RBFOX1: variants seen among roughly 807,000 people sequenced by gnomAD.
The protein encoded by RBFOX1 is RNA binding protein fox-1 homolog 1.
Under a neutral mutation model 57.7 loss-of-function variants are expected in RBFOX1, and 8 were observed. The ratio of observed to expected loss-of-function variants is 0.14; its 90% CI spans 0.08 to 0.25. The LOEUF (loss-of-function observed/expected upper bound fraction) is 0.25. Ranked by LOEUF, RBFOX1 falls within the 10% of genes least tolerant of loss-of-function variation. RBFOX1 has a pLI of 1.00. For missense variants in RBFOX1, 611 were observed against 548.5 expected, an observed-to-expected ratio of 1.11 and a Z score of -1.14; for synonymous variants, 326 against 222.4, an observed-to-expected ratio of 1.47 and a Z score of -4.15.
At chr16:7,479,199 G>C (rs903780636) in intron 4 of RBFOX1, among the ~76,000 whole-genome samples, 1 of 150,278 alleles carries the variant, frequency 6.7e-6, no homozygotes, top group African/African-American at 2.5e-5. Context: ...TCTCGGCTCA[G>C]TGCAACTTCT....
chr16:6,274,195 C>A (rs990369714), intron 1 of RBFOX1, among the ~76,000 whole-genome samples: 1 of 152,148 alleles, frequency 6.6e-6, no homozygotes, highest in Non-Finnish European at 1.5e-5. Flanking sequence ...TAATTGCCTT[C>A]CTGGGCATTT....
At chr16:7,074,627 A>G (rs945779492) in intron 4 of RBFOX1, among the ~76,000 whole-genome samples, 1 of 152,202 alleles carries the variant, frequency 6.6e-6, no homozygotes, top group Non-Finnish European at 1.5e-5. Context: ...CTGAATGGAG[A>G]GAAGAGACAG....
At chr16:5,952,338 A>G (rs1485305921) in intron 4 of RBFOX1, among the ~76,000 whole-genome samples, 1 of 151,932 alleles carries the variant, frequency 6.6e-6, no homozygotes, top group Non-Finnish European at 1.5e-5. Flanking sequence ...TTTCGTAGAG[A>G]TGGGGTTTCA....
rs536519387 is a variant in RBFOX1 at position 6,009,099 on chromosome 16, C to CT, written c.351+141779dup. ...CATAAGGCATATGGTTTGTCTTTTA[C>CT]TTTTTTTTTTTTTTTCTTCTCCATC... On this transcript the variant is annotated intron_variant, in intron 4 of 19. Coordinates refer to the RBFOX1 transcript ENST00000641259. 7.6e-3 allele frequency among the ~76,000 whole-genome samples: 1,083 copies of CT among 142,254 alleles called. 12 individuals are homozygous for CT. Among genetic ancestry groups the CT allele is most frequent in the African/African-American group, 0.021 (816 of 39,080 alleles). The allele number at this position is 142,254 out of a possible 152,430, so 93.3% of individuals were successfully genotyped here. A position where few individuals can be genotyped will look rare whatever the true frequency, so the allele number is the denominator to read the frequency against.
intron 1 of RBFOX1, among the ~76,000 whole-genome samples, chr16:5,451,255 A>T (rs1190189344): frequency 2.6e-5 from 4 of 152,184 alleles, no homozygotes; most frequent in Non-Finnish European, 5.9e-5. Flanking sequence ...TCTGAAGAAC[A>T]AAGATATCCT....
chr16:6,663,740 G>A (rs2098715332), intron 3 of RBFOX1, among the ~76,000 whole-genome samples: 1 of 152,186 alleles, frequency 6.6e-6, no homozygotes, highest in Admixed American at 6.5e-5. Context: ...CAAAATTCCT[G>A]GAATCTTTGG....
intron 2 of RBFOX1, among the ~76,000 whole-genome samples, chr16:6,449,054 A>T (rs1291672704): frequency 6.6e-6 from 1 of 152,186 alleles, no homozygotes; most frequent in East Asian, 1.9e-4. Context: ...AAAGTCCTAT[A>T]TTTCTGCCAT....
At chr16:6,580,587 A>G (rs1567758481) in intron 2 of RBFOX1, among the ~76,000 whole-genome samples, 1 of 117,080 alleles carries the variant, frequency 8.5e-6, no homozygotes. Context: ...CAGAAATGTC[A>G]CAGGGGGGGA....
At chr16:6,924,725 C>G (rs534894685) in intron 3 of RBFOX1, among the ~76,000 whole-genome samples, 3 of 151,598 alleles carry the variant, frequency 2.0e-5, no homozygotes, top group Admixed American at 6.6e-5. Context: ...TACATGTGCA[C>G]AACGTGCAGG....
At chr16:5,896,790 A>G (rs1038763223) in intron 4 of RBFOX1, among the ~76,000 whole-genome samples, 2 of 152,090 alleles carry the variant, frequency 1.3e-5, no homozygotes, top group Non-Finnish European at 2.9e-5. Context: ...ACACTTTAGT[A>G]TGTGGCATCC....
intron 2 of RBFOX1, among the ~76,000 whole-genome samples, chr16:6,495,168 G>C (rs1764235200): frequency 6.6e-6 from 1 of 152,128 alleles, no homozygotes; most frequent in Non-Finnish European, 1.5e-5. Context: ...ACCCATGCGG[G>C]AGTGAAGTGG....
At chr16:7,704,982 T>C (rs1196355143) in intron 14 of RBFOX1, among the ~76,000 whole-genome samples, 1 of 148,452 alleles carries the variant, frequency 6.7e-6, no homozygotes, top group Non-Finnish European at 1.5e-5. Context: ...AGGCAGAGGT[T>C]AGAGTGAGCC....
chr16:7,222,979 A>C (rs1342511755), intron 4 of RBFOX1, among the ~76,000 whole-genome samples: 1 of 152,128 alleles, frequency 6.6e-6, no homozygotes, highest in African/African-American at 2.4e-5. Context: ...CAGCATAAAC[A>C]TCTGGGCTGC....
intron 14 of RBFOX1, among the ~76,000 whole-genome samples, chr16:7,691,147 C>A (rs949021146): frequency 1.3e-5 from 2 of 151,794 alleles, no homozygotes; most frequent in African/African-American, 4.8e-5. Flanking sequence ...ATGGATACGT[C>A]AAAAAAATAC....
intron 3 of RBFOX1, among the ~76,000 whole-genome samples, chr16:6,857,542 T>C (rs1281168277): frequency 1.3e-5 from 2 of 152,230 alleles, no homozygotes; most frequent in Non-Finnish European, 2.9e-5. Flanking sequence ...CCTTTTTTTA[T>C]TGACTACAAT....
intron 4 of RBFOX1, among the ~76,000 whole-genome samples, chr16:5,954,394 C>T (rs767833051): frequency 3.6e-4 from 55 of 151,876 alleles, no homozygotes; most frequent in Non-Finnish European, 6.8e-4. Context: ...TCGCCACCAC[C>T]GCTGGACACT....
chr16:7,487,891 A>T (rs2065843719), intron 4 of RBFOX1, among the ~76,000 whole-genome samples: 1 of 152,180 alleles, frequency 6.6e-6, no homozygotes. Context: ...AATTCCAAGG[A>T]AAAGCAAATC....
At chr16:6,952,755 A>C (rs995321309) in intron 3 of RBFOX1, among the ~76,000 whole-genome samples, 1 of 152,114 alleles carries the variant, frequency 6.6e-6, no homozygotes, top group Non-Finnish European at 1.5e-5. Flanking sequence ...AAGCGGGCGG[A>C]TCACGAGGTC....
intron 2 of RBFOX1, among the ~76,000 whole-genome samples, chr16:6,359,609 T>C (rs367855837): frequency 6.6e-6 from 1 of 152,186 alleles, no homozygotes; most frequent in Non-Finnish European, 1.5e-5. Flanking sequence ...AAAAAGCACT[T>C]GAACCAGAAA....
Sources: allele counts gnomAD v4.1 joint callset (sites outside exome capture counted in the v4.1 genomes callset), GRCh38; gene constraint gnomAD v4.1.1; transcripts MANE v1.5; gene names NCBI Gene and HGNC (gene_info 2026-07-23, HGNC 2026-07-21).